Variants in DIDO1 observed in about 807,000 individuals in gnomAD.
The protein encoded by DIDO1 is death inducer-obliterator 1, also known as death-inducer obliterator 1.
DIDO1 carries 16 observed loss-of-function variants against 99.4 expected under a neutral mutation model. The observed-to-expected ratio is 0.16, with a 90% CI of 0.11 to 0.24. The LOEUF (loss-of-function observed/expected upper bound fraction) is 0.24. Ranked by LOEUF, DIDO1 falls within the 10% of genes least tolerant of loss-of-function variation. The pLI is 1.00. For missense variants in DIDO1, 2,996 were observed against 3,014.0 expected, an observed-to-expected ratio of 0.99 and a Z score of 0.14; for synonymous variants, 1,366 against 1,239.1, an observed-to-expected ratio of 1.10 and a Z score of -2.15.
At chr20:62,937,265 A>T (rs528145078) in intron 1 of DIDO1, among the ~76,000 whole-genome samples, 1 of 152,380 alleles carries the variant, frequency 6.6e-6, no homozygotes, top group Admixed American at 6.5e-5. Context: ...CAACGGAAAC[A>T]TGGGACCCTG....
chr20:62,896,215 C>CCGA lies in DIDO1; in HGVS notation c.2214+15_2214+17dup, dbSNP rs769643679. 2.2e-4 allele frequency: 349 copies of CCGA among 1,609,824 alleles called. No homozygotes were observed. Among genetic ancestry groups the CCGA allele is most frequent in the Non-Finnish European group, 2.6e-4 (305 of 1,178,308 alleles). ...AACAGAACAGGAATACTCCAATGCA[C>CCGA]CGACACCAGGCACACACCTGATTTT... is the stretch of plus-strand genomic sequence containing the variant. On this transcript the variant is annotated intron_variant, in intron 8 of 15. Coordinates refer to ENST00000395343, the MANE Select transcript of DIDO1 (RefSeq NM_001193369.2). This position sits in a 1 kb window ranked among gnomAD's most constrained non-coding sequence, Gnocchi z 4.4.
chr20:62,923,460 C>T (rs1206131475), intron 1 of DIDO1, among the ~76,000 whole-genome samples: 1 of 152,192 alleles, frequency 6.6e-6, no homozygotes, highest in Admixed American at 6.5e-5. Flanking sequence ...AGGCACGACC[C>T]ACCATGCCCG....
chr20:62,930,011 C>A (rs2065315840), upstream of DIDO1, among the ~76,000 whole-genome samples: 1 of 151,818 alleles, frequency 6.6e-6, no homozygotes, highest in Non-Finnish European at 1.5e-5. Flanking sequence ...GTGGGTGGAT[C>A]GCCTGAGGTC....
intron 6 of DIDO1, chr20:62,905,497 T>C (rs1469022404): frequency 2.6e-6 from 4 of 1,550,726 alleles, no homozygotes; most frequent in East Asian, 4.9e-5. Flanking sequence ...TATACAGCGC[T>C]GTTGTCAGAA....
chr20:62,935,892 T>C (rs1295424834), intron 1 of DIDO1, among the ~76,000 whole-genome samples: 1 of 152,202 alleles, frequency 6.6e-6, no homozygotes, highest in Non-Finnish European at 1.5e-5. Flanking sequence ...TTCCACGTTA[T>C]GGTGGAAGAG....
chr20:62,884,783 A>T (rs1430387126), intron 15 of DIDO1, among the ~76,000 whole-genome samples: 4 of 152,094 alleles, frequency 2.6e-5, no homozygotes, highest in African/African-American at 4.8e-5. Flanking sequence ...CAGAGCTGAG[A>T]TTCCCAGCAC....
At chr20:62,891,896 T>C (rs1465548986) in intron 14 of DIDO1, 91 bp downstream of exon 14, 2 of 1,041,934 alleles carry the variant, frequency 1.9e-6, no homozygotes, top group South Asian at 1.6e-5. Context: ...ACATTTTAAG[T>C]GTTAACCCAT....
intron 6 of DIDO1, chr20:62,905,586 G>A (rs2295000): frequency 0.21 from 319,574 of 1,550,976 alleles, 33,964 homozygotes; most frequent in East Asian, 0.32. Context: ...AAGAGAATAC[G>A]AATACTTACC....
intron 1 of DIDO1, among the ~76,000 whole-genome samples, chr20:62,922,713 A>C (rs551685667): frequency 1.5e-4 from 23 of 152,338 alleles, no homozygotes; most frequent in African/African-American, 5.5e-4. Context: ...CCACCTAAGA[A>C]AGTGACACAG....
chr20:62,937,698 ACTCC>A (rs66520731), intron 1 of DIDO1: 129,169 of 394,838 alleles, frequency 0.33, 23,675 homozygotes, highest in African/African-American at 0.61. Flanking sequence ...TCGGGAGGGG[ACTCC>A]CTCCCCGTCT....
chr20:62,926,735 G>A (rs925482165), upstream of DIDO1, among the ~76,000 whole-genome samples: 1 of 152,268 alleles, frequency 6.6e-6, no homozygotes, highest in African/African-American at 2.4e-5. Context: ...AGTGAAAGCT[G>A]GGGCAGTGCC....
rs1270855716 is a variant in DIDO1, at chr20:62,887,794, G to C, written c.3541+3166C>G. 4 of 985,352 alleles carry C rather than the reference G, an allele frequency of 4.1e-6. No homozygotes were observed. The Admixed American group carries it at 1.8e-4, about 45-fold the overall frequency. The allele number at this position is 985,352 out of a possible 1,614,324, so 61.0% of individuals were successfully genotyped here. A position where few individuals can be genotyped will look rare whatever the true frequency, so the allele number is the denominator to read the frequency against. On this transcript the variant is annotated intron_variant, in intron 15 of 15. Coordinates refer to ENST00000395343, the MANE Select transcript of DIDO1 (RefSeq NM_001193369.2). ...CTGCGACCCCAAGTCCCTGCGGGGG[G>C]CCCTGTTGGTAAAGCTGGAACTGAG...
chr20:62,925,717 G>A (rs1409231007), intron 1 of DIDO1, among the ~76,000 whole-genome samples: 1 of 152,202 alleles, frequency 6.6e-6, no homozygotes, highest in Non-Finnish European at 1.5e-5. Context: ...GGCAGCACGA[G>A]CACCCCTCCC....
intron 1 of DIDO1, among the ~76,000 whole-genome samples, chr20:62,934,087 G>T (rs961004657): frequency 2.6e-5 from 4 of 152,172 alleles, no homozygotes; most frequent in African/African-American, 9.7e-5. Context: ...GGCAGTTGAT[G>T]AATCCAGCAG....
intron 5 of DIDO1, 63 bp from the exon 6 acceptor site, chr20:62,906,163 C>T (rs2064800044): frequency 1.3e-5 from 20 of 1,552,198 alleles, no homozygotes; most frequent in Non-Finnish European, 1.6e-5. Flanking sequence ...CACTTCATTT[C>T]ACTGAGAGAT....
chr20:62,881,300 G>A lies in DIDO1; in HGVS notation c.4656C>T (p.Ser1552=), dbSNP rs1358914122. Residue 1552 remains serine, a synonymous_variant, in exon 16 of 16, where the codon AGC becomes AGT. Transcript: ENST00000395343. This position sits in a 1 kb window ranked among gnomAD's most constrained non-coding sequence, Gnocchi z 8.3. ...ADKPASLPPA[S]QASNHRDPRQ... is the part of the protein sequence containing the mutation. Reference sequence around the variant, plus strand: ...GGGGGTCCCTGTGGTTTGACGCCTGGCTGGCGGGGGGCAGTGAGGCGGGCT... The same window carrying A: ...GGGGGTCCCTGTGGTTTGACGCCTGACTGGCGGGGGGCAGTGAGGCGGGCT... The A allele has an allele frequency of 1.9e-6, 3 of 1,604,952 alleles. No individual in the cohort carries two copies. The highest frequency in any genetic ancestry group is 2.2e-5 in the South Asian group (2 of 91,034).
chr20:62,899,778 GC>G (rs530619743), intron 6 of DIDO1, among the ~76,000 whole-genome samples: 12 of 152,260 alleles, frequency 7.9e-5, no homozygotes, highest in African/African-American at 2.9e-4. Context: ...GCCTCTGGGA[GC>G]AGTGTCCTAC....
chr20:62,897,232 A>T (rs2064557190), intron 6 of DIDO1, among the ~76,000 whole-genome samples: 1 of 152,254 alleles, frequency 6.6e-6, no homozygotes, highest in Non-Finnish European at 1.5e-5. Context: ...ATGCTTTATT[A>T]TTCTATCTTT....
exon 1 of DIDO1, chr20:62,937,800 G>A (rs2065408743): frequency 2.5e-6 from 1 of 398,138 alleles, no homozygotes; most frequent in Admixed American, 4.4e-5. Context: ...TGGGACCTTC[G>A]CCTCCGACTC....
Sources: gnomAD v4.1 joint callset for allele counts (sites outside exome capture counted in the v4.1 genomes callset) on GRCh38, gnomAD v4.1.1 for gene constraint, Gnocchi (gnomAD v3.1) non-coding constraint, MANE v1.5 for transcripts, NCBI Gene and HGNC (gene_info 2026-07-23, HGNC 2026-07-21) for gene names.